The following MAD1L1 variants were observed in gnomAD, a reference collection of about 807,000 sequenced individuals.
The protein encoded by MAD1L1 is mitotic spindle assembly checkpoint protein MAD1.
A neutral mutation model predicts 96.9 loss-of-function variants in MAD1L1; 95 were observed. The observed-to-expected ratio is 0.98, with a 90% CI of 0.83 to 1.16. The LOEUF (loss-of-function observed/expected upper bound fraction) is 1.16. MAD1L1 is among the 50% of genes most tolerant of loss of function. The pLI is 0.00. For missense variants in MAD1L1, 1,007 were observed against 954.4 expected (o/e 1.06, Z -0.73); for synonymous variants, 473 against 396.6 (o/e 1.19, Z -2.29).
At chr7:2,108,745 G>A (rs973426975) in intron 11 of MAD1L1, among the ~76,000 whole-genome samples, 12 of 152,194 alleles carry the variant, frequency 7.9e-5, no homozygotes, top group Non-Finnish European at 1.6e-4. Flanking sequence ...CTTTCAGAAT[G>A]GGAGAAACAA....
chr7:1,935,556 C>T (rs577689395), intron 17 of MAD1L1, among the ~76,000 whole-genome samples: 1 of 152,200 alleles, frequency 6.6e-6, no homozygotes, highest in Non-Finnish European at 1.5e-5. Context: ...GAAGACCCCA[C>T]CTAAGACCCT....
Position 2,103,563 on chromosome 7 carries a change from T to C in MAD1L1, c.1074-34225A>G, listed in dbSNP as rs993748807. On this transcript the variant is annotated intron_variant, in intron 11 of 18. Coordinates refer to ENST00000265854, the MANE Select transcript of MAD1L1 (RefSeq NM_001013836.2). The surrounding 1 kb of genome is among the most constrained non-coding windows in gnomAD (Gnocchi z 4.3). Reference sequence around the variant, plus strand: ...GGGGCAACCGCAGATGGGCCAGCACTGGGGCAAAGCCCACCACCAGGCAGC... The same window carrying C: ...GGGGCAACCGCAGATGGGCCAGCACCGGGGCAAAGCCCACCACCAGGCAGC... 2.6e-5 allele frequency among the ~76,000 whole-genome samples: 4 copies of C among 152,036 alleles called. No homozygotes were observed. The highest frequency in any genetic ancestry group is 1.3e-4 in the Admixed American group (2 of 15,280).
intron 18 of MAD1L1, among the ~76,000 whole-genome samples, chr7:1,874,086 G>A (rs905179914): frequency 1.3e-5 from 2 of 152,164 alleles, no homozygotes; most frequent in African/African-American, 4.8e-5. Context: ...CCTGGCCACC[G>A]GGGATCCCGG....
chr7:2,100,110 A>G (rs1786702155), intron 11 of MAD1L1, among the ~76,000 whole-genome samples: 1 of 152,226 alleles, frequency 6.6e-6, no homozygotes, highest in Non-Finnish European at 1.5e-5. Flanking sequence ...ATAGGTGAGA[A>G]GCAAATCCCA....
At chr7:1,895,150 G>A (rs548256962) in intron 18 of MAD1L1, among the ~76,000 whole-genome samples, 1 of 152,188 alleles carries the variant, frequency 6.6e-6, no homozygotes, top group Non-Finnish European at 1.5e-5. Flanking sequence ...GAGCAGGTGG[G>A]CCTTGATGCT....
At chr7:1,959,995 AAT>A (rs1407655406) in intron 15 of MAD1L1, among the ~76,000 whole-genome samples, 2 of 152,244 alleles carry the variant, frequency 1.3e-5, no homozygotes, top group Non-Finnish European at 2.9e-5. Flanking sequence ...TTGGGGATTT[AAT>A]ATATAGAATA....
At chr7:2,212,604 T>G (rs941113033) in intron 10 of MAD1L1, among the ~76,000 whole-genome samples, 1 of 152,190 alleles carries the variant, frequency 6.6e-6, no homozygotes, top group Non-Finnish European at 1.5e-5. Context: ...CTCTCATTCC[T>G]GTTTTTGCAT....
At chr7:2,115,535 G>A (rs892910911) in intron 11 of MAD1L1, among the ~76,000 whole-genome samples, 3 of 148,462 alleles carry the variant, frequency 2.0e-5, no homozygotes, top group Admixed American at 1.3e-4. Context: ...CGCATGTTCC[G>A]GGGTCAGAGG....
At chr7:1,882,768 G>A (rs1355558763) in intron 18 of MAD1L1, among the ~76,000 whole-genome samples, 2 of 152,228 alleles carry the variant, frequency 1.3e-5, no homozygotes, top group Admixed American at 6.5e-5. Flanking sequence ...CACCGCTGGG[G>A]TCCACACCCA....
chr7:1,921,875 G>T (rs1340876132), intron 17 of MAD1L1, among the ~76,000 whole-genome samples: 2 of 152,148 alleles, frequency 1.3e-5, no homozygotes, highest in African/African-American at 4.8e-5. Context: ...ACCAAAATAA[G>T]TTTCAAGTAG....
intron 18 of MAD1L1, among the ~76,000 whole-genome samples, chr7:1,841,176 A>T (rs1024772216): frequency 2.6e-5 from 4 of 152,214 alleles, no homozygotes; most frequent in African/African-American, 9.7e-5. Context: ...GCCAGAGCAC[A>T]CGGCCACCAA....
At chr7:2,061,083 A>G (rs1784641593) in intron 12 of MAD1L1, among the ~76,000 whole-genome samples, 1 of 152,282 alleles carries the variant, frequency 6.6e-6, no homozygotes, top group Admixed American at 6.5e-5. Context: ...TCACGCCTGT[A>G]ATCTCAACAC....
At chr7:2,056,578 C>A (rs1398512637) in intron 12 of MAD1L1, among the ~76,000 whole-genome samples, 1 of 152,172 alleles carries the variant, frequency 6.6e-6, no homozygotes, top group Non-Finnish European at 1.5e-5. Flanking sequence ...ATCTGCAAAG[C>A]GACCCAGGAG....
chr7:1,956,102 C>T (rs1168498931), intron 16 of MAD1L1, among the ~76,000 whole-genome samples: 2 of 152,222 alleles, frequency 1.3e-5, no homozygotes, highest in Middle Eastern at 3.4e-3. Context: ...CGGTTCAAGG[C>T]ACTTTATCTT....
intron 15 of MAD1L1, among the ~76,000 whole-genome samples, chr7:1,960,059 T>C (rs6979477): frequency 0.9 from 136,208 of 152,166 alleles, 61,673 homozygotes; most frequent in East Asian, 1. Flanking sequence ...ACCAACACTG[T>C]GGCTGTAAGG....
At chr7:1,869,089 AGGCCCG>A (rs1784918651) in intron 18 of MAD1L1, among the ~76,000 whole-genome samples, 1 of 152,154 alleles carries the variant, frequency 6.6e-6, no homozygotes, top group Non-Finnish European at 1.5e-5. Flanking sequence ...GTGGACGGTG[AGGCCCG>A]GGACGGGAAC....
chr7:1,889,310 G>A (rs754408683), intron 18 of MAD1L1, among the ~76,000 whole-genome samples: 5 of 152,234 alleles, frequency 3.3e-5, no homozygotes, highest in Non-Finnish European at 5.9e-5. Context: ...GCAAACACTC[G>A]GGCAAGGCCT....
chr7:1,985,591 C>T (rs973972087), intron 14 of MAD1L1, among the ~76,000 whole-genome samples: 2 of 152,262 alleles, frequency 1.3e-5, no homozygotes, highest in South Asian at 4.1e-4. Context: ...ACAGCGAAGC[C>T]GCCATCCTCA....
chr7:1,948,251 G>A (rs990434692), intron 16 of MAD1L1, among the ~76,000 whole-genome samples: 5 of 152,170 alleles, frequency 3.3e-5, no homozygotes, highest in African/African-American at 4.8e-5. Context: ...AGGCGTCCAC[G>A]GCAAAGCCAG....
Sources: gnomAD v4.1 joint callset for allele counts (sites outside exome capture counted in the v4.1 genomes callset) on GRCh38, gnomAD v4.1.1 for gene constraint, Gnocchi (gnomAD v3.1) non-coding constraint, MANE v1.5 for transcripts, NCBI Gene and HGNC (gene_info 2026-07-23, HGNC 2026-07-21) for gene names.